Variants in ACSL5 observed in about 807,000 individuals in gnomAD.
The protein encoded by ACSL5 is acyl-CoA synthetase long chain family member 5.
In ACSL5, 50 loss-of-function variants were observed where a neutral mutation model predicts 84.9. That is an observed-to-expected ratio of 0.59 (90% CI 0.47 to 0.75). The LOEUF (loss-of-function observed/expected upper bound fraction) is 0.75, where lower values mean the gene tolerates loss of function less well. Ranked by LOEUF, ACSL5 falls within the 30% of genes least tolerant of loss-of-function variation. The probability of loss-of-function intolerance (pLI) is 0.00; values close to 1 mark genes in which losing one functional copy is unlikely to be tolerated. For synonymous variants in ACSL5, 280 were observed against 300.7 expected (o/e 0.93, Z 0.71); for missense variants, 775 against 830.4 (o/e 0.93, Z 0.82).
At chr10:112,412,622 C>G (rs187349306) in intron 11 of ACSL5, 1 of 152,706 alleles carries the variant, frequency 6.5e-6, no homozygotes, top group East Asian at 1.9e-4. Flanking sequence ...CCCCCAAATG[C>G]CTCTTCAACA....
At chr10:112,404,271 A>C (rs1271598434) in intron 3 of ACSL5, among the ~76,000 whole-genome samples, 1 of 152,196 alleles carries the variant, frequency 6.6e-6, no homozygotes, top group Non-Finnish European at 1.5e-5. Context: ...TTACATATTC[A>C]ACACTGAACC....
chr10:112,394,792 G>A (rs1843709122), intron 1 of ACSL5, 126 bp from the exon 2 acceptor site: 1 of 1,500,114 alleles, frequency 6.7e-7, no homozygotes, highest in African/African-American at 1.4e-5. Context: ...GTGTTTGAGG[G>A]TTTGAAGGCG....
intron 1 of ACSL5, among the ~76,000 whole-genome samples, chr10:112,384,336 C>G (rs530504087): frequency 6.6e-6 from 1 of 152,098 alleles, no homozygotes; most frequent in Non-Finnish European, 1.5e-5. Flanking sequence ...TGCAATCTCA[C>G]GAGGGCAGGG....
chr10:112,377,483 G>A (rs147778118), intron 1 of ACSL5, among the ~76,000 whole-genome samples: 152 of 152,250 alleles, frequency 1.0e-3, no homozygotes, highest in African/African-American at 3.5e-3. Flanking sequence ...GCAGTGAGCC[G>A]AGATGGCACC....
intron 1 of ACSL5, among the ~76,000 whole-genome samples, chr10:112,378,227 GTTTTTTTTTTTTTT>G (rs144322644): frequency 0.012 from 688 of 56,836 alleles, 11 homozygotes; most frequent in African/African-American, 0.05. Context: ...TCTTCTTCTT[GTTTTTTTTTTTTTT>G]TTTTTTTTTT....
intron 1 of ACSL5, among the ~76,000 whole-genome samples, chr10:112,388,520 A>T (rs750872004): frequency 1.3e-5 from 2 of 152,184 alleles, no homozygotes; most frequent in African/African-American, 2.4e-5. Context: ...GAGTTAACTG[A>T]GAGTATATGG....
At chr10:112,389,584 G>A (rs1362299802) in intron 1 of ACSL5, among the ~76,000 whole-genome samples, 3 of 152,142 alleles carry the variant, frequency 2.0e-5, no homozygotes, top group Non-Finnish European at 4.4e-5. Context: ...GTAACCAGGA[G>A]TGATGTTAAA....
chr10:112,392,537 C>T (rs914049103), intron 1 of ACSL5, among the ~76,000 whole-genome samples: 3 of 152,016 alleles, frequency 2.0e-5, no homozygotes, highest in African/African-American at 4.8e-5. Flanking sequence ...GTCAGGAGAT[C>T]GAGACCATCC....
chr10:112,388,940 T>C (rs1451944405), intron 1 of ACSL5, among the ~76,000 whole-genome samples: 1 of 151,850 alleles, frequency 6.6e-6, no homozygotes, highest in Non-Finnish European at 1.5e-5. Context: ...TCGAATAGGG[T>C]TTGAGTGGGA....
At chr10:112,417,104 G>T (rs1402355141) in intron 13 of ACSL5, 82 bp downstream of exon 13, 2 of 1,487,532 alleles carry the variant, frequency 1.3e-6, no homozygotes, top group East Asian at 4.6e-5. Flanking sequence ...TTCCTCTGCT[G>T]CTTGAGCGTC....
Position 112,413,075 on chromosome 10 carries a change from GT to G in ACSL5, c.949-96del. ...TCCAAGACAGGTCCCCACTGAAGGG[GT>G]TGTTTGCCTCAGCCCACCTCCTGAA... On this transcript the variant is annotated intron_variant, in intron 11 of 20. Coordinates refer to ENST00000354655, the MANE Select transcript of ACSL5 (RefSeq NM_203379.2). The G allele has an allele frequency of 2.2e-6, 3 of 1,350,680 alleles. No homozygotes were observed. The South Asian group carries it at 4.0e-5, about 18-fold the overall frequency. The allele number at this position is 1,350,680 out of a possible 1,614,324, so 83.7% of individuals were successfully genotyped here. A position where few individuals can be genotyped will look rare whatever the true frequency, so the allele number is the denominator to read the frequency against.
chr10:112,427,990 ATC>A lies in ACSL5; in HGVS notation c.*634_*635del, dbSNP rs1844807741. On this transcript the variant is annotated 3_prime_UTR_variant, in exon 21 of 21. Coordinates refer to ENST00000354655, the MANE Select transcript of ACSL5 (RefSeq NM_203379.2). ...CATTTCCTAAACTCTCTAGTTAGAT[ATC>A]TGACTTGGGAGTATTAAAAATTGGG... 6.4e-6 allele frequency: 1 copy of A among 156,352 alleles called. No individual in the cohort carries two copies. The highest frequency in any genetic ancestry group is 2.4e-5 in the African/African-American group (1 of 41,658). 9.7% of individuals were successfully genotyped at this position (156,352 alleles called of 1,614,324 possible).
At position 112,404,591 on chromosome 10, in the gene ACSL5, G is replaced by C. The variant is rs376566797; in HGVS notation, c.330+16G>C. On this transcript the variant is annotated intron_variant, in intron 4 of 20. Transcript: ENST00000354655. ...TTACAAACAGGTAAGTTGAGTCCAT[G>C]TTTTTAGACAGATTCTTTCTAACAT... The C allele has an allele frequency of 6.2e-7, 1 of 1,611,320 alleles. No individual in the cohort carries two copies.
chr10:112,385,133 G>A (rs1849424739), intron 1 of ACSL5, among the ~76,000 whole-genome samples: 1 of 152,202 alleles, frequency 6.6e-6, no homozygotes, highest in Admixed American at 6.5e-5. Context: ...ACATGAACCT[G>A]CGTGCCAGCC....
intron 1 of ACSL5, among the ~76,000 whole-genome samples, chr10:112,384,955 A>G (rs1442900459): frequency 1.3e-5 from 2 of 152,196 alleles, no homozygotes; most frequent in African/African-American, 2.4e-5. Context: ...AGCTCTTTTC[A>G]TATCATTACC....
In ACSL5 at chr10:112,427,944, GAA is replaced by G. The variant is rs1178680066; in HGVS notation, c.*589_*590del. ...CGTAAATTAAATTGTGTACTGAAGG[GAA>G]AAGTTTGATCATACCAAACATTTCC... On this transcript the variant is annotated 3_prime_UTR_variant, in exon 21 of 21. Transcript: ENST00000354655. The G allele has an allele frequency of 1.3e-5, 2 of 153,400 alleles. No individual in the cohort carries two copies. The highest frequency in any genetic ancestry group is 2.9e-5 in the Non-Finnish European group (2 of 68,896). The allele number at this position is 153,400 out of a possible 1,614,324, so 9.5% of individuals were successfully genotyped here.
chr10:112,421,183 GA>G (rs370883587), intron 14 of ACSL5, among the ~76,000 whole-genome samples: 17 of 150,440 alleles, frequency 1.1e-4, no homozygotes, highest in African/African-American at 2.9e-4. Flanking sequence ...TTTTGAGACG[GA>G]GTCTCGCTCT....
At chr10:112,382,632 A>G (rs1204085978) in intron 1 of ACSL5, among the ~76,000 whole-genome samples, 1 of 152,190 alleles carries the variant, frequency 6.6e-6, no homozygotes, top group Non-Finnish European at 1.5e-5. Context: ...GCAATTCAGC[A>G]GCAAAGATTT....
intron 3 of ACSL5, among the ~76,000 whole-genome samples, 163 bp from the exon 4 acceptor site, chr10:112,404,348 G>A (rs1843979718): frequency 6.6e-6 from 1 of 152,154 alleles, no homozygotes; most frequent in Admixed American, 6.5e-5. Context: ...CATTTTTGAG[G>A]ACTCAGTGCT....
Sources: gnomAD v4.1 joint callset for allele counts (sites outside exome capture counted in the v4.1 genomes callset) on GRCh38, gnomAD v4.1.1 for gene constraint, MANE v1.5 for transcripts, NCBI Gene and HGNC (gene_info 2026-07-23, HGNC 2026-07-21) for gene names.